Variants in PEBP4 observed in about 807,000 individuals in gnomAD.
PEBP4 encodes phosphatidylethanolamine binding protein 4.
Under a neutral mutation model 23.9 loss-of-function variants are expected in PEBP4, and 22 were observed. The observed-to-expected ratio is 0.92, with a 90% CI of 0.66 to 1.31. The LOEUF is 1.31. Ranked by LOEUF, PEBP4 falls within the 40% of genes most tolerant of loss-of-function variation. PEBP4 has a pLI of 0.00. For missense variants in PEBP4, 324 were observed against 281.7 expected, an observed-to-expected ratio of 1.15 and a Z score of -1.07; for synonymous variants, 112 against 99.3, an observed-to-expected ratio of 1.13 and a Z score of -0.76.
At chr8:22,853,931 C>T (rs1182719421) in intron 3 of PEBP4, among the ~76,000 whole-genome samples, 1 of 152,136 alleles carries the variant, frequency 6.6e-6, no homozygotes, top group African/African-American at 2.4e-5. Flanking sequence ...GATAAACTGG[C>T]CACAGATCCT....
chr8:22,821,148 C>T (rs151089650), intron 3 of PEBP4, among the ~76,000 whole-genome samples: 1 of 152,240 alleles, frequency 6.6e-6, no homozygotes, highest in African/African-American at 2.4e-5. Flanking sequence ...GACTGCACCA[C>T]TGTACTCCAG....
chr8:22,814,116 G>A (rs747884570), intron 4 of PEBP4, among the ~76,000 whole-genome samples: 7 of 152,118 alleles, frequency 4.6e-5, no homozygotes, highest in East Asian at 3.8e-4. Flanking sequence ...AAAATAATTC[G>A]CTTAAGCTTC....
At chr8:22,763,263 C>T (rs1451200009) in intron 4 of PEBP4, among the ~76,000 whole-genome samples, 2 of 152,184 alleles carry the variant, frequency 1.3e-5, no homozygotes, top group Non-Finnish European at 2.9e-5. Context: ...CCTCTGCCTC[C>T]CAAAGTGCTG....
At chr8:22,725,999 ATGTG>A (rs10680983) in intron 5 of PEBP4, among the ~76,000 whole-genome samples, 3,795 of 146,402 alleles carry the variant, frequency 0.026, 118 homozygotes, top group African/African-American at 0.072. Flanking sequence ...GATCAGATAT[ATGTG>A]TGTGTGTGTG....
chr8:22,842,675 C>A (rs1013932650), intron 3 of PEBP4, among the ~76,000 whole-genome samples: 1 of 152,180 alleles, frequency 6.6e-6, no homozygotes, highest in Middle Eastern at 3.4e-3. Flanking sequence ...TGTGCAGGGC[C>A]GTTCCTACTG....
intron 4 of PEBP4, among the ~76,000 whole-genome samples, chr8:22,768,423 G>C (rs928035026): frequency 1.3e-5 from 2 of 152,172 alleles, no homozygotes; most frequent in African/African-American, 4.8e-5. Flanking sequence ...GGGGTGGTTT[G>C]GGGTGCTCAC....
At chr8:22,796,257 CGTGTGT>C (rs34887072) in intron 4 of PEBP4, among the ~76,000 whole-genome samples, 2,073 of 149,686 alleles carry the variant, frequency 0.014, 21 homozygotes, top group African/African-American at 0.031. Flanking sequence ...CTCAAGTGTG[CGTGTGT>C]GTGTGTGTGT....
intron 4 of PEBP4, among the ~76,000 whole-genome samples, chr8:22,812,732 T>C (rs1020440603): frequency 2.0e-5 from 3 of 152,208 alleles, no homozygotes; most frequent in Non-Finnish European, 4.4e-5. Flanking sequence ...ATTAGTGTGG[T>C]TCTGGATATA....
Position 22,724,941 on chromosome 8 carries a change from G to GT in PEBP4, c.418_419insA (p.Ser140TyrfsTer51). 1 of 1,613,908 alleles carries GT rather than the reference G, an allele frequency of 6.2e-7. No individual in the cohort carries two copies. Among genetic ancestry groups the GT allele is most frequent in the South Asian group, 1.1e-5 (1 of 91,070 alleles). On this transcript the variant is annotated frameshift_variant, in exon 6 of 7. Transcript: ENST00000256404. LOFTEE classifies it high-confidence loss of function. The stretch of plus-strand genomic sequence containing the variant: ...ATGGAAGCCACTGTGTGCCGGTGGG[G>GT]AGGGAGCCTGGTAGGCTATAGGTAG...
rs533695022 is a variant in PEBP4, at chr8:22,716,058, C to T, written c.518-2522G>A. 3.9e-5 allele frequency among the ~76,000 whole-genome samples: 6 copies of T among 152,184 alleles called. No homozygotes were observed. In the East Asian group the frequency reaches 5.8e-4, roughly 15 times the overall value. On this transcript the variant is annotated intron_variant, in intron 6 of 6. Coordinates refer to ENST00000256404, the MANE Select transcript of PEBP4 (RefSeq NM_144962.3). ...CACCTAGGCCAGGCTCTTCCTGGGA[C>T]GAGGGTAGGGGCAGTGTGGGCACTT...
intron 4 of PEBP4, among the ~76,000 whole-genome samples, chr8:22,755,094 C>G (rs909613530): frequency 6.6e-6 from 1 of 152,162 alleles, no homozygotes; most frequent in Non-Finnish European, 1.5e-5. Flanking sequence ...TCCCGGGTTT[C>G]GAAACCACTC....
At position 22,865,926 on chromosome 8, in the gene PEBP4, G is replaced by A. The variant is rs1807891970; in HGVS notation, c.259-48191C>T. On this transcript the variant is annotated intron_variant, in intron 3 of 6. Coordinates refer to ENST00000256404, the MANE Select transcript of PEBP4 (RefSeq NM_144962.3). This position sits in a 1 kb window ranked among gnomAD's most constrained non-coding sequence, Gnocchi z 6.9. ...AGCTCCCACTCAGGACACGCGCCTC[G>A]AGGTGTGGCCCGGCGCCGGGCGGTG... 1.3e-5 allele frequency among the ~76,000 whole-genome samples: 2 copies of A among 151,934 alleles called. No homozygotes were observed. Among genetic ancestry groups the A allele is most frequent in the Non-Finnish European group, 2.9e-5 (2 of 67,962 alleles).
chr8:22,719,624 A>G (rs1804481035), intron 6 of PEBP4, among the ~76,000 whole-genome samples: 1 of 152,214 alleles, frequency 6.6e-6, no homozygotes, highest in South Asian at 2.1e-4. Flanking sequence ...TGGCAGGTGC[A>G]AACAGCCCTT....
intron 4 of PEBP4, among the ~76,000 whole-genome samples, chr8:22,727,601 G>A (rs912693886): frequency 6.6e-6 from 1 of 152,136 alleles, no homozygotes; most frequent in Admixed American, 6.5e-5. Flanking sequence ...GGTCTGGTCG[G>A]ATCTAAGGGA....
intron 3 of PEBP4, 45 bp from the exon 4 acceptor site, chr8:22,817,780 T>C (rs763770237): frequency 6.4e-7 from 1 of 1,566,116 alleles, no homozygotes; most frequent in Non-Finnish European, 8.8e-7. Context: ...ATGGCTGAAA[T>C]AGGAAAATAC....
intron 6 of PEBP4, among the ~76,000 whole-genome samples, chr8:22,714,135 C>T (rs1028835607): frequency 8.5e-5 from 13 of 152,340 alleles, no homozygotes; most frequent in Admixed American, 5.9e-4. Context: ...TGGACCCTGG[C>T]GGGGGAGCTG....
At chr8:22,937,540 T>G (rs2128783506) in intron 1 of PEBP4, among the ~76,000 whole-genome samples, 1 of 106,780 alleles carries the variant, frequency 9.4e-6, no homozygotes, top group East Asian at 2.5e-4. Context: ...TTGCAACTCC[T>G]ATGAAAATGT....
intron 6 of PEBP4, among the ~76,000 whole-genome samples, chr8:22,723,202 C>T (rs1405670773): frequency 2.0e-5 from 3 of 152,072 alleles, no homozygotes; most frequent in African/African-American, 4.8e-5. Flanking sequence ...GTTTCAGGCC[C>T]AGCGCGTTTT....
chr8:22,832,481 A>C, intron 3 of PEBP4, among the ~76,000 whole-genome samples: 1 of 152,158 alleles, frequency 6.6e-6, no homozygotes, highest in Admixed American at 6.5e-5. Context: ...GTGAGAATAA[A>C]TGTGTGTTTT....
Sources: allele counts gnomAD v4.1 joint callset (sites outside exome capture counted in the v4.1 genomes callset), GRCh38; gene constraint gnomAD v4.1.1; non-coding constraint Gnocchi (gnomAD v3.1); transcripts MANE v1.5; gene names NCBI Gene and HGNC (gene_info 2026-07-23, HGNC 2026-07-21).